Variants in AGBL4 observed in about 807,000 individuals in gnomAD.
AGBL4 encodes the protein AGBL carboxypeptidase 4, also known as cytosolic carboxypeptidase 6.
AGBL4 carries 58 observed loss-of-function variants against 66.4 expected under a neutral mutation model. The ratio of observed to expected loss-of-function variants is 0.87; its 90% CI spans 0.71 to 1.09. The LOEUF (loss-of-function observed/expected upper bound fraction) is 1.09, where lower values mean the gene tolerates loss of function less well. Ranked by LOEUF, AGBL4 falls within the 50% of genes least tolerant of loss-of-function variation. The pLI, the probability that AGBL4 is intolerant of heterozygous loss-of-function variation, is 0.00. For missense variants in AGBL4, 579 were observed against 631.0 expected (o/e 0.92, Z 0.88); for synonymous variants, 234 against 222.9 (o/e 1.05, Z -0.44).
At chr1:49,448,689 G>A (rs769914219) in intron 3 of AGBL4, among the ~76,000 whole-genome samples, 8 of 152,138 alleles carry the variant, frequency 5.3e-5, no homozygotes, top group Non-Finnish European at 1.2e-4. Flanking sequence ...AGGAAAGAAT[G>A]TTGGCAAACT....
At chr1:49,681,192 C>T (rs1408017832) in intron 3 of AGBL4, among the ~76,000 whole-genome samples, 2 of 152,094 alleles carry the variant, frequency 1.3e-5, no homozygotes, top group Non-Finnish European at 2.9e-5. Flanking sequence ...CTAACTGTGT[C>T]ATCTTAATGT....
chr1:49,556,031 A>AAT (rs1163705957), intron 3 of AGBL4, among the ~76,000 whole-genome samples: 1 of 152,204 alleles, frequency 6.6e-6, no homozygotes, highest in Admixed American at 6.6e-5. Flanking sequence ...ATTACTGGGT[A>AAT]TATACCCAAA....
intron 1 of AGBL4, among the ~76,000 whole-genome samples, chr1:49,917,999 A>G (rs1230763502): frequency 6.6e-6 from 1 of 152,230 alleles, no homozygotes; most frequent in Non-Finnish European, 1.5e-5. Context: ...GTACATAACG[A>G]AATGAAGGCA....
At chr1:48,797,708 A>G (rs760613281) in intron 6 of AGBL4, among the ~76,000 whole-genome samples, 2 of 151,776 alleles carry the variant, frequency 1.3e-5, no homozygotes, top group Admixed American at 6.6e-5. Context: ...AGCAATTTCC[A>G]GCTAATTTTT....
At chr1:48,944,963 T>C (rs1656337645) in intron 5 of AGBL4, among the ~76,000 whole-genome samples, 1 of 152,162 alleles carries the variant, frequency 6.6e-6, no homozygotes, top group African/African-American at 2.4e-5. Flanking sequence ...TAAAATCTGA[T>C]CCAAGCCATG....
At position 48,736,360 on chromosome 1, in the gene AGBL4, T is replaced by C. The variant is rs1649051271; in HGVS notation, c.635-73119A>G. 6 of 1,614,074 alleles carry C rather than the reference T, an allele frequency of 3.7e-6. No homozygotes were observed. Among genetic ancestry groups the C allele is most frequent in the Non-Finnish European group, 5.1e-6 (6 of 1,180,046 alleles). ...GAACATCTGTTCCCCAAATCATAAC[T>C]GCCAAGTTCTTCGTGTACTTGGAAT... On this transcript the variant is annotated intron_variant, in intron 6 of 13. Transcript: ENST00000371839. The surrounding 1 kb of genome is among the most constrained non-coding windows in gnomAD (Gnocchi z 4.0).
intron 5 of AGBL4, among the ~76,000 whole-genome samples, chr1:48,879,135 A>G (rs1649505327): frequency 6.6e-6 from 1 of 152,052 alleles, no homozygotes; most frequent in South Asian, 2.1e-4. Flanking sequence ...CATAATAACA[A>G]CCCATAATTA....
chr1:49,733,976 C>T (rs941785751), intron 2 of AGBL4, among the ~76,000 whole-genome samples: 3 of 152,202 alleles, frequency 2.0e-5, no homozygotes, highest in East Asian at 1.9e-4. Flanking sequence ...ACATTGGTTT[C>T]ATATCCAAAA....
chr1:49,878,057 T>C lies in AGBL4; in HGVS notation c.35-26539A>G, dbSNP rs947867759. 2.0e-5 allele frequency among the ~76,000 whole-genome samples: 3 copies of C among 151,964 alleles called. 1 individual carries two copies. Among genetic ancestry groups the C allele is most frequent in the African/African-American group, 4.8e-5 (2 of 41,320 alleles). ...TCTTTGATTCTTCTCTCTTTTCTTC[T>C]TTATTAGTCTTGCTAGCGGTCTATC... On this transcript the variant is annotated intron_variant, in intron 1 of 13. Transcript: ENST00000371839.
intron 1 of AGBL4, among the ~76,000 whole-genome samples, chr1:49,879,538 T>A (rs1647147702): frequency 6.7e-6 from 1 of 148,296 alleles, no homozygotes; most frequent in African/African-American, 2.5e-5. Context: ...CCGCTGTTAG[T>A]CTGATGGGCT....
At chr1:49,533,261 A>T (rs1651288731) in intron 3 of AGBL4, among the ~76,000 whole-genome samples, 1 of 152,090 alleles carries the variant, frequency 6.6e-6, no homozygotes, top group Admixed American at 6.6e-5. Flanking sequence ...CTGGACTTCC[A>T]CTATGCCCTC....
At chr1:49,488,777 A>G (rs1254550333) in intron 3 of AGBL4, among the ~76,000 whole-genome samples, 1 of 151,830 alleles carries the variant, frequency 6.6e-6, no homozygotes, top group Non-Finnish European at 1.5e-5. Flanking sequence ...TAGCTTCCAC[A>G]AATAAGTGAG....
chr1:49,015,074 C>T (rs921156509), intron 5 of AGBL4, among the ~76,000 whole-genome samples: 14 of 152,156 alleles, frequency 9.2e-5, no homozygotes, highest in East Asian at 3.9e-4. Flanking sequence ...GAATCTACTG[C>T]GTAGGACTAT....
intron 5 of AGBL4, among the ~76,000 whole-genome samples, chr1:48,997,280 T>C (rs181472953): frequency 1.3e-5 from 2 of 152,202 alleles, no homozygotes; most frequent in East Asian, 3.9e-4. Context: ...TAAGATCAAA[T>C]GGGGTCTAAA....
At chr1:49,768,045 C>A (rs1176680539) in intron 2 of AGBL4, among the ~76,000 whole-genome samples, 4 of 150,774 alleles carry the variant, frequency 2.7e-5, no homozygotes, top group Admixed American at 6.6e-5. Context: ...CCCTGTCAAC[C>A]AAAATGAGCC....
At chr1:49,518,520 A>G (rs1211753969) in intron 3 of AGBL4, among the ~76,000 whole-genome samples, 1 of 151,984 alleles carries the variant, frequency 6.6e-6, no homozygotes, top group African/African-American at 2.4e-5. Context: ...TGCTAATTAT[A>G]TAACATCAGT....
At chr1:49,391,712 C>A (rs1644853839) in intron 3 of AGBL4, among the ~76,000 whole-genome samples, 1 of 151,992 alleles carries the variant, frequency 6.6e-6, no homozygotes, top group African/African-American at 2.4e-5. Context: ...CAGGCACCGG[C>A]CACCACACCC....
chr1:49,437,057 G>C (rs1645919959), intron 3 of AGBL4, among the ~76,000 whole-genome samples: 1 of 152,164 alleles, frequency 6.6e-6, no homozygotes. Context: ...ATTCCACGGT[G>C]GTGGGGAGCA....
chr1:49,205,833 C>T (rs1187188045), intron 4 of AGBL4, among the ~76,000 whole-genome samples: 1 of 152,052 alleles, frequency 6.6e-6, no homozygotes, highest in African/African-American at 2.4e-5. Context: ...AAGACTTTCA[C>T]AGATGCTTAT....
Sources: gnomAD v4.1 joint callset for allele counts (sites outside exome capture counted in the v4.1 genomes callset) on GRCh38, gnomAD v4.1.1 for gene constraint, Gnocchi (gnomAD v3.1) non-coding constraint, MANE v1.5 for transcripts, NCBI Gene and HGNC (gene_info 2026-07-23, HGNC 2026-07-21) for gene names.